Variants in FBXO32 observed in about 807,000 individuals in gnomAD.
The protein encoded by FBXO32 is F-box protein 32, also known as F-box only protein 32.
FBXO32 carries 15 observed loss-of-function variants against 48.3 expected under a neutral mutation model. The observed-to-expected ratio is 0.31, with a 90% CI of 0.21 to 0.48. FBXO32 has a LOEUF of 0.48. Ranked by LOEUF, FBXO32 falls within the 20% of genes least tolerant of loss-of-function variation. The probability of loss-of-function intolerance (pLI) is 0.99; values close to 1 mark genes in which losing one functional copy is unlikely to be tolerated. For missense variants in FBXO32, 309 were observed against 432.7 expected (o/e 0.71, Z 2.54); for synonymous variants, 154 against 165.9 (o/e 0.93, Z 0.55).
chr8:123,513,132 G>C lies in FBXO32; in HGVS notation c.651+66C>G. 6.6e-7 allele frequency: 1 copy of C among 1,519,604 alleles called. No individual in the cohort carries two copies. Among genetic ancestry groups the C allele is most frequent in the Non-Finnish European group, 9.1e-7 (1 of 1,100,014 alleles). The allele number at this position is 1,519,604 out of a possible 1,614,324, so 94.1% of individuals were successfully genotyped here. ...TCACAGGAGTGAATTCAAAGTCTTG[G>C]CGAGTCTGTCCAGTATCCCTGTGGA... is the stretch of plus-strand genomic sequence containing the variant. On this transcript the variant is annotated intron_variant, in intron 6 of 8. Transcript: ENST00000517956. This position sits in a 1 kb window ranked among gnomAD's most constrained non-coding sequence, Gnocchi z 4.3.
intron 6 of FBXO32, among the ~76,000 whole-genome samples, chr8:123,512,376 T>C (rs1317126388): frequency 6.6e-6 from 1 of 152,196 alleles, no homozygotes; most frequent in Non-Finnish European, 1.5e-5. Context: ...TCTCCTGATA[T>C]GAGGCAACCT....
In FBXO32 at chr8:123,497,905, T is replaced by G. The variant is rs1389106085; in HGVS notation, c.*5468A>C. ...ACCAGTGTGTGTTGTTGGAAAAACA[T>G]TTATTGCAATTCAGTGTCAAAAGTT... On this transcript the variant is annotated 3_prime_UTR_variant, in exon 9 of 9. Transcript: ENST00000517956. 6.6e-6 allele frequency: 1 copy of G among 152,226 alleles called. No homozygotes were observed. The highest frequency in any genetic ancestry group is 2.4e-5 in the African/African-American group (1 of 41,448). 9.4% of individuals were successfully genotyped at this position (152,226 alleles called of 1,614,324 possible).
At chr8:123,532,209 T>G in intron 3 of FBXO32, 1 of 1,341,772 alleles carries the variant, frequency 7.5e-7, no homozygotes, top group Non-Finnish European at 9.5e-7. Context: ...GCCCCTCACA[T>G]GTCAAACACC....
intron 4 of FBXO32, among the ~76,000 whole-genome samples, chr8:123,518,865 A>C (rs1816891636): frequency 1.3e-5 from 2 of 152,040 alleles, no homozygotes; most frequent in South Asian, 2.1e-4. Flanking sequence ...TCTGTCACCT[A>C]GGCTGGAGTG....
At chr8:123,505,437 G>GT (rs1816594784) in intron 7 of FBXO32, among the ~76,000 whole-genome samples, 1 of 147,556 alleles carries the variant, frequency 6.8e-6, no homozygotes, top group Admixed American at 7.1e-5. Flanking sequence ...AATGATATCT[G>GT]TAAAAGTACT....
intron 4 of FBXO32, among the ~76,000 whole-genome samples, chr8:123,531,657 A>C (rs1456595834): frequency 2.0e-5 from 3 of 152,154 alleles, no homozygotes; most frequent in African/African-American, 7.2e-5. Flanking sequence ...TAACCGACTC[A>C]CTGGGGTATT....
chr8:123,517,118 C>G (rs968803880), intron 4 of FBXO32, among the ~76,000 whole-genome samples: 1 of 152,150 alleles, frequency 6.6e-6, no homozygotes, highest in Non-Finnish European at 1.5e-5. Flanking sequence ...AGCCTCGGGT[C>G]GGCTTTTGAA....
Position 123,506,714 on chromosome 8 carries a change from TC to T in FBXO32, c.652-141del. 1 of 675,186 alleles carries T rather than the reference TC, an allele frequency of 1.5e-6. No individual in the cohort carries two copies. The highest frequency in any genetic ancestry group is 2.5e-6 in the Non-Finnish European group (1 of 394,568). 41.8% of individuals were successfully genotyped at this position (675,186 alleles called of 1,614,324 possible). A position where few individuals can be genotyped will look rare whatever the true frequency, so the allele number is the denominator to read the frequency against. On this transcript the variant is annotated intron_variant, in intron 6 of 8. Transcript: ENST00000517956. The surrounding 1 kb of genome is among the most constrained non-coding windows in gnomAD (Gnocchi z 4.0). Reference sequence around the variant, plus strand: ...AAGAGGTCGAAAGCAGTAGTAAATCTCCCCATCCTAAATGCAGACAGGAGAC... The same window carrying T: ...AAGAGGTCGAAAGCAGTAGTAAATCTCCCATCCTAAATGCAGACAGGAGAC...
intron 4 of FBXO32, among the ~76,000 whole-genome samples, chr8:123,521,672 G>A (rs1816959003): frequency 6.6e-6 from 1 of 152,044 alleles, no homozygotes; most frequent in African/African-American, 2.4e-5. Flanking sequence ...GAATTGTTAA[G>A]AATGAGAACA....
chr8:123,536,045 A>C (rs1038849149), intron 1 of FBXO32, among the ~76,000 whole-genome samples: 2 of 152,232 alleles, frequency 1.3e-5, no homozygotes, highest in Non-Finnish European at 2.9e-5. Context: ...TTATTAATAC[A>C]ATAGTCTCTC....
At chr8:123,509,675 G>A (rs1219766141) in intron 6 of FBXO32, among the ~76,000 whole-genome samples, 2 of 152,202 alleles carry the variant, frequency 1.3e-5, no homozygotes, top group African/African-American at 4.8e-5. Context: ...ACTCTAGCTT[G>A]GGCAAGGGGA....
At chr8:123,528,248 T>C (rs1340394091) in intron 4 of FBXO32, among the ~76,000 whole-genome samples, 1 of 152,108 alleles carries the variant, frequency 6.6e-6, no homozygotes, top group Admixed American at 6.5e-5. Flanking sequence ...GCAGAGCCAT[T>C]ACATGGGTGA....
At position 123,513,402 on chromosome 8, in the gene FBXO32, A is replaced by AG; in HGVS notation, c.467-21_467-20insC. The AG allele has an allele frequency of 6.2e-7, 1 of 1,603,414 alleles. No individual in the cohort carries two copies. The highest frequency in any genetic ancestry group is 8.5e-7 in the Non-Finnish European group (1 of 1,171,686). ...CAAGGACTTGAGTAGGGAAGAAAAA[A>AG]ATAATTAAAGTTATGATACTGGAAC... is the stretch of plus-strand genomic sequence containing the variant. On this transcript the variant is annotated intron_variant, in intron 5 of 8. Transcript: ENST00000517956. This position sits in a 1 kb window ranked among gnomAD's most constrained non-coding sequence, Gnocchi z 4.3.
chr8:123,505,455 A>AGG (rs879842233), intron 7 of FBXO32, among the ~76,000 whole-genome samples: 30,320 of 152,114 alleles, frequency 0.2, 3,897 homozygotes, highest in East Asian at 0.59. Context: ...ACTCTACCAC[A>AGG]CAGGGTGCGG....
chr8:123,532,228 G>A (rs183592519), intron 3 of FBXO32: 29 of 1,290,320 alleles, frequency 2.2e-5, no homozygotes, highest in Admixed American at 1.1e-4. Flanking sequence ...CCCCCTTTTC[G>A]TGACTTGTAC....
chr8:123,504,746 A>G lies in FBXO32; in HGVS notation c.836T>C (p.Ile279Thr). Residue 279 changes from isoleucine to threonine, a missense_variant and splice_region_variant, in exon 8 of 9, where the codon ATC (isoleucine) becomes ACC (threonine). By Grantham distance (89) the Ile-to-Thr change is moderately conservative. Coordinates refer to ENST00000517956, the MANE Select transcript of FBXO32 (RefSeq NM_058229.4). ...LCQYHFSERQIRKRLILSDKG... is the reference protein window; with the variant it reads ...LCQYHFSERQTRKRLILSDKG... ...GTCTGACAGAATTAATCGTTTGCGG[A>G]TCTAAAAAATCAAATGAATAAAGGA... 3 of 1,611,934 alleles carry G rather than the reference A, an allele frequency of 1.9e-6. No homozygotes were observed. Among genetic ancestry groups the G allele is most frequent in the Non-Finnish European group, 2.5e-6 (3 of 1,179,302 alleles).
At position 123,506,465 on chromosome 8, in the gene FBXO32, G is replaced by T. The variant is rs1223381619; in HGVS notation, c.761C>A (p.Pro254His). The change falls in exon 7 of 9, where the codon CCC (proline) becomes CAC (histidine). Residue 254 changes from proline (P) to histidine (H), a missense_variant. By Grantham distance (77) the Pro-to-His change is moderately conservative (BLOSUM62 -2). Coordinates refer to ENST00000517956, the MANE Select transcript of FBXO32 (RefSeq NM_058229.4). The surrounding 1 kb of genome is among the most constrained non-coding windows in gnomAD (Gnocchi z 4.0). ...RDLVSLGQAAPDLHVLSEDRL... is the reference protein window; with the variant it reads ...RDLVSLGQAAHDLHVLSEDRL... ...GTCTTCGCTGAGCACGTGCAGGTCG[G>T]GGGCAGCCTGGCCCAGGCTGACCAG... is the stretch of plus-strand genomic sequence containing the variant. The T allele has an allele frequency of 6.2e-7, 1 of 1,614,124 alleles. No individual in the cohort carries two copies. Among genetic ancestry groups the T allele is most frequent in the Non-Finnish European group, 8.5e-7 (1 of 1,180,030 alleles).
At chr8:123,536,878 G>A (rs532964367) in intron 1 of FBXO32, among the ~76,000 whole-genome samples, 2 of 152,222 alleles carry the variant, frequency 1.3e-5, no homozygotes, top group African/African-American at 4.8e-5. Flanking sequence ...TTCCTCAGAA[G>A]CTACAATAAC....
rs1420081220 is a variant in FBXO32 at position 123,501,624 on chromosome 8, G to A, written c.*1749C>T. 5 of 152,200 alleles carry A rather than the reference G, an allele frequency of 3.3e-5. No individual in the cohort carries two copies. Among genetic ancestry groups the A allele is most frequent in the Non-Finnish European group, 5.9e-5 (4 of 68,044 alleles). The allele number at this position is 152,200 out of a possible 1,614,324, so 9.4% of individuals were successfully genotyped here. A position where few individuals can be genotyped will look rare whatever the true frequency, so the allele number is the denominator to read the frequency against. On this transcript the variant is annotated 3_prime_UTR_variant, in exon 9 of 9. Coordinates refer to ENST00000517956, the MANE Select transcript of FBXO32 (RefSeq NM_058229.4). Reference sequence around the variant, plus strand: ...TTCCTTCTCTTCAGAAAGCTGATATGTGGGTTGTGTGCTATTGAGGGCAGG... The same window carrying A: ...TTCCTTCTCTTCAGAAAGCTGATATATGGGTTGTGTGCTATTGAGGGCAGG...
Sources: gnomAD v4.1 joint callset for allele counts (sites outside exome capture counted in the v4.1 genomes callset) on GRCh38, gnomAD v4.1.1 for gene constraint, Gnocchi (gnomAD v3.1) non-coding constraint, MANE v1.5 for transcripts, NCBI Gene and HGNC (gene_info 2026-07-23, HGNC 2026-07-21) for gene names.